LEFTY2: variants seen among roughly 807,000 people sequenced by gnomAD.
LEFTY2 encodes TGF-beta-4.
A neutral mutation model predicts 26.4 loss-of-function variants in LEFTY2; 10 were observed. The ratio of observed to expected loss-of-function variants is 0.38; its 90% CI spans 0.23 to 0.64. The LOEUF (loss-of-function observed/expected upper bound fraction) is 0.64. LEFTY2 is among the 30% of genes least tolerant of loss of function. LEFTY2 has a pLI of 0.56. For synonymous variants in LEFTY2, 204 were observed against 234.1 expected, an observed-to-expected ratio of 0.87 and a Z score of 1.17; for missense variants, 407 against 502.1, an observed-to-expected ratio of 0.81 and a Z score of 1.81.
At chr1:225,938,626 T>A (rs1672215334) in intron 3 of LEFTY2, among the ~76,000 whole-genome samples, 1 of 152,124 alleles carries the variant, frequency 6.6e-6, no homozygotes, top group Non-Finnish European at 1.5e-5. Context: ...GTGCTGGGAT[T>A]ACAGGCGTGA....
Position 225,937,071 on chromosome 1 carries a change from T to C in LEFTY2, c.*370A>G, listed in dbSNP as rs1672170255. ...GAGATTTGAAGGTTTTAATTCCTCATATAACACAGCAATTCAGTTCTGTTT... is the reference window on the plus strand; with the variant it reads ...GAGATTTGAAGGTTTTAATTCCTCACATAACACAGCAATTCAGTTCTGTTT... On this transcript the variant is annotated 3_prime_UTR_variant, in exon 4 of 4. Coordinates refer to ENST00000366820, the MANE Select transcript of LEFTY2 (RefSeq NM_003240.5). 1 of 364,206 alleles carries C rather than the reference T, an allele frequency of 2.7e-6. No homozygotes were observed. The highest frequency in any genetic ancestry group is 2.1e-5 in the African/African-American group (1 of 47,848). The allele number at this position is 364,206 out of a possible 1,614,324, so 22.6% of individuals were successfully genotyped here. A position where few individuals can be genotyped will look rare whatever the true frequency, so the allele number is the denominator to read the frequency against.
In LEFTY2 at chr1:225,937,551, T is replaced by C. The variant is rs1456480141; in HGVS notation, c.991A>G (p.Lys331Glu). The change falls in exon 4 of 4, where the codon AAG becomes GAG. Residue 331 changes from lysine to glutamate, a missense_variant. Physicochemically the swap from Lys to Glu is moderately conservative, Grantham distance 56. Transcript: ENST00000366820. ...TGGGGCCTGGTCCTGCCTCCCTCCT[T>C]GATGCTGACGATCATGGGCAGCGAG... ...TASLPMIVSI[K>E]EGGRTRPQVV... is the part of the protein sequence containing the mutation. 1.2e-6 allele frequency: 2 copies of C among 1,613,900 alleles called. No homozygotes were observed. The highest frequency in any genetic ancestry group is 1.3e-5 in the African/African-American group (1 of 74,904).
rs564625026 is a variant in LEFTY2 at position 225,937,870 on chromosome 1, C to T, written c.738-66G>A. 6.6e-5 allele frequency: 103 copies of T among 1,559,372 alleles called. No homozygotes were observed. In the African/African-American group the frequency reaches 1.0e-3, roughly 15 times the overall value. ...GGCTGAAGTCAGAAGGCCTGGGGCA[C>T]AGCTTAGTGGGCACCTGGGAGGGAG... On this transcript the variant is annotated intron_variant, in intron 3 of 3. Transcript: ENST00000366820.
chr1:225,940,191 G>A, intron 1 of LEFTY2, 189 bp from the exon 2 acceptor site: 1 of 958,884 alleles, frequency 1.0e-6, no homozygotes, highest in Non-Finnish European at 1.5e-6. Flanking sequence ...GCAGGCAGGG[G>A]GGCCTGTGGG....
Position 225,937,153 on chromosome 1 carries a change from G to A in LEFTY2, c.*288C>T. The stretch of plus-strand genomic sequence containing the variant: ...CAGACTCAGTGAAGAATTTGCCAGA[G>A]AACAGAAACTCCCAGCTGAAAATGT... On this transcript the variant is annotated 3_prime_UTR_variant, in exon 4 of 4. Coordinates refer to ENST00000366820, the MANE Select transcript of LEFTY2 (RefSeq NM_003240.5). 1.8e-6 allele frequency: 1 copy of A among 547,990 alleles called. No individual in the cohort carries two copies. Among genetic ancestry groups the A allele is most frequent in the Non-Finnish European group, 3.3e-6 (1 of 305,348 alleles). 33.9% of individuals were successfully genotyped at this position (547,990 alleles called of 1,614,324 possible). A position where few individuals can be genotyped will look rare whatever the true frequency, so the allele number is the denominator to read the frequency against.
rs776142871 is a variant in LEFTY2 at position 225,941,051 on chromosome 1, G to A, written c.90C>T (p.Ser30=). ...CGCTGAGCTGCAGCTGCCGCAGCAGGCTGCCCAGGAGCTGCTCCTCGGTCA... is the reference window on the plus strand; with the variant it reads ...CGCTGAGCTGCAGCTGCCGCAGCAGACTGCCCAGGAGCTGCTCCTCGGTCA... The part of the protein sequence containing the change: ...AALTEEQLLG[S]LLRQLQLSEV... The change falls in exon 1 of 4, where the codon AGC becomes AGT. Residue 30 remains serine, a synonymous_variant. Transcript: ENST00000366820. 6.1e-5 allele frequency: 99 copies of A among 1,611,654 alleles called. No homozygotes were observed. Among genetic ancestry groups the A allele is most frequent in the Non-Finnish European group, 7.4e-5 (87 of 1,179,406 alleles).
Position 225,941,203 on chromosome 1 carries a change from T to C in LEFTY2, c.-63A>G. On this transcript the variant is annotated 5_prime_UTR_variant, in exon 1 of 4. Coordinates refer to ENST00000366820, the MANE Select transcript of LEFTY2 (RefSeq NM_003240.5). ...GTCCTCTAGGGAGGTTGAAGGAGGG[T>C]CTCAGGCAGCTGGGTGTGCTGAGAG... 7.0e-7 allele frequency: 1 copy of C among 1,421,286 alleles called. No homozygotes were observed. The highest frequency in any genetic ancestry group is 9.2e-7 in the Non-Finnish European group (1 of 1,083,970). The allele number at this position is 1,421,286 out of a possible 1,614,324, so 88.0% of individuals were successfully genotyped here. A position where few individuals can be genotyped will look rare whatever the true frequency, so the allele number is the denominator to read the frequency against.
rs1356734859 is a variant in LEFTY2, at chr1:225,941,205, T to TTGAAGG, written c.-66_-65insCCTTCA. ...CCTCTAGGGAGGTTGAAGGAGGGTC[T>TTGAAGG]CAGGCAGCTGGGTGTGCTGAGAGCC... On this transcript the variant is annotated 5_prime_UTR_variant, in exon 1 of 4. Transcript: ENST00000366820. The TTGAAGG allele has an allele frequency of 1.4e-6, 2 of 1,393,830 alleles. No homozygotes were observed. Among genetic ancestry groups the TTGAAGG allele is most frequent in the Non-Finnish European group, 1.9e-6 (2 of 1,065,990 alleles). 86.3% of individuals were successfully genotyped at this position (1,393,830 alleles called of 1,614,324 possible). A position where few individuals can be genotyped will look rare whatever the true frequency, so the allele number is the denominator to read the frequency against.
chr1:225,937,417 G>A lies in LEFTY2; in HGVS notation c.*24C>T, dbSNP rs1480024800. 1.9e-6 allele frequency: 3 copies of A among 1,613,780 alleles called. No homozygotes were observed. The highest frequency in any genetic ancestry group is 1.1e-5 in the South Asian group (1 of 91,076). ...ACCTCTATGCACACGTTCAGTTAGA[G>A]GGCTCAATGGATACACCAGGCGCCT... On this transcript the variant is annotated 3_prime_UTR_variant, in exon 4 of 4. Transcript: ENST00000366820.
rs1672258784 is a variant in LEFTY2 at position 225,939,736 on chromosome 1, C to T, written c.497+20G>A. ...CGAGCAGCCTCCTACTCCTGCCCTG[C>T]GCGCCCGCGCGACCCCCACCTGGAG... On this transcript the variant is annotated intron_variant, in intron 2 of 3. Transcript: ENST00000366820. This position sits in a 1 kb window ranked among gnomAD's most constrained non-coding sequence, Gnocchi z 4.1. The T allele has an allele frequency of 6.2e-7, 1 of 1,601,348 alleles. No homozygotes were observed. Among genetic ancestry groups the T allele is most frequent in the Non-Finnish European group, 8.5e-7 (1 of 1,175,822 alleles).
chr1:225,940,124 A>G (rs1045805281), intron 1 of LEFTY2, 122 bp from the exon 2 acceptor site: 2 of 1,472,980 alleles, frequency 1.4e-6, no homozygotes, highest in Non-Finnish European at 9.2e-7. Flanking sequence ...TCTGGGGCAA[A>G]CCCAGTTTAC....
chr1:225,938,842 T>C (rs925808581), intron 3 of LEFTY2, among the ~76,000 whole-genome samples: 4 of 149,148 alleles, frequency 2.7e-5, no homozygotes, highest in African/African-American at 9.8e-5. Flanking sequence ...ATAATATTTC[T>C]TTTTCTTTTC....
intron 3 of LEFTY2, among the ~76,000 whole-genome samples, chr1:225,938,230 G>A (rs1369761184): frequency 1.3e-5 from 2 of 152,216 alleles, no homozygotes; most frequent in East Asian, 3.8e-4. Flanking sequence ...GTGCTACACA[G>A]CCCCCATCTG....
In LEFTY2 at chr1:225,939,270, G is replaced by A; in HGVS notation, c.737+91C>T. On this transcript the variant is annotated intron_variant, in intron 3 of 3. Transcript: ENST00000366820. This position sits in a 1 kb window ranked among gnomAD's most constrained non-coding sequence, Gnocchi z 4.1. ...GCGCTCTCCCTACCCCTAGCCCACC[G>A]CCACCATCCGGTCCCCCAGACAGTC... The A allele has an allele frequency of 6.3e-7, 1 of 1,581,204 alleles. No individual in the cohort carries two copies. The highest frequency in any genetic ancestry group is 8.6e-7 in the Non-Finnish European group (1 of 1,163,826).
rs1329244780 is a variant in LEFTY2, at chr1:225,940,890, C to T, written c.250+1G>A. On this transcript the variant is annotated splice_donor_variant, in intron 1 of 3. Coordinates refer to ENST00000366820, the MANE Select transcript of LEFTY2 (RefSeq NM_003240.5). LOFTEE classifies it high-confidence loss of function. ...GGGCCAGCAGGGAGGGAGGGTCTCA[C>T]CTCGGAAGCTCTGGCTGAACCTCTT... 1 of 1,613,190 alleles carries T rather than the reference C, an allele frequency of 6.2e-7. No individual in the cohort carries two copies. Among genetic ancestry groups the T allele is most frequent in the African/African-American group, 1.3e-5 (1 of 74,884 alleles).
chr1:225,940,697 G>C (rs1209467658), intron 1 of LEFTY2, among the ~76,000 whole-genome samples, 194 bp downstream of exon 1: 4 of 152,186 alleles, frequency 2.6e-5, no homozygotes, highest in Non-Finnish European at 5.9e-5. Context: ...CCCTGGGCTG[G>C]AGGGGGGCCT....
rs1240803521 is a variant in LEFTY2, at chr1:225,937,738, C to T, written c.804G>A (p.Met268Ile). The T allele has an allele frequency of 6.2e-7, 1 of 1,611,986 alleles. No individual in the cohort carries two copies. The highest frequency in any genetic ancestry group is 8.5e-7 in the Non-Finnish European group (1 of 1,178,458). The change falls in exon 4 of 4, where the codon ATG becomes ATA. Residue 268 changes from methionine to isoleucine, a missense_variant. Coordinates refer to ENST00000366820, the MANE Select transcript of LEFTY2 (RefSeq NM_003240.5). ...TEGTRCCRQE[M>I]YIDLQGMKWA... ...ACTTCATCCCCTGCAGGTCAATGTA[C>T]ATCTCCTGGCGGCAGCAGCGGGTGC...
Position 225,939,235 on chromosome 1 carries a change from A to T in LEFTY2, c.737+126T>A, listed in dbSNP as rs1000304635. ...TGGGCAATCGCTGGCATCCTGGGACAGTCTGCACCGCGCTCTCCCTACCCC... is the reference window on the plus strand; with the variant it reads ...TGGGCAATCGCTGGCATCCTGGGACTGTCTGCACCGCGCTCTCCCTACCCC... On this transcript the variant is annotated intron_variant, in intron 3 of 3. Coordinates refer to ENST00000366820, the MANE Select transcript of LEFTY2 (RefSeq NM_003240.5). The surrounding 1 kb of genome is among the most constrained non-coding windows in gnomAD (Gnocchi z 4.1). The T allele has an allele frequency of 5.1e-5, 74 of 1,437,258 alleles. No homozygotes were observed. The highest frequency in any genetic ancestry group is 6.6e-5 in the Non-Finnish European group (69 of 1,052,158). The allele number at this position is 1,437,258 out of a possible 1,614,324, so 89.0% of individuals were successfully genotyped here.
chr1:225,937,570 C>T lies in LEFTY2; in HGVS notation c.972G>A (p.Leu324=). ...CCTCCTTGATGCTGACGATCATGGG[C>T]AGCGAGGCAGTCTCCGAGGCGATAC... ...RQCIASETAS[L]PMIVSIKEGG... The change falls in exon 4 of 4, where the codon CTG becomes CTA. Residue 324 remains leucine (L), a synonymous_variant. Transcript: ENST00000366820. 6.2e-7 allele frequency: 1 copy of T among 1,614,056 alleles called. No individual in the cohort carries two copies. The highest frequency in any genetic ancestry group is 8.5e-7 in the Non-Finnish European group (1 of 1,180,034).
Sources: gnomAD v4.1 joint callset for allele counts (sites outside exome capture counted in the v4.1 genomes callset) on GRCh38, gnomAD v4.1.1 for gene constraint, Gnocchi (gnomAD v3.1) non-coding constraint, MANE v1.5 for transcripts, NCBI Gene and HGNC (gene_info 2026-07-23, HGNC 2026-07-21) for gene names.